The following ARHGAP20 variants were observed in gnomAD, a reference collection of about 807,000 sequenced individuals.
ARHGAP20 encodes rho GTPase-activating protein 20.
A neutral mutation model predicts 73.7 loss-of-function variants in ARHGAP20; 34 were observed. That is an observed-to-expected ratio of 0.46 (90% CI 0.35 to 0.61). The LOEUF (loss-of-function observed/expected upper bound fraction) is 0.61, where lower values mean the gene tolerates loss of function less well. Ranked by LOEUF, ARHGAP20 falls within the 20% of genes least tolerant of loss-of-function variation. The pLI is 0.00. For synonymous variants in ARHGAP20, 523 were observed against 518.2 expected, an observed-to-expected ratio of 1.01 and a Z score of -0.13; for missense variants, 1,314 against 1,420.9, an observed-to-expected ratio of 0.92 and a Z score of 1.21.
intron 2 of ARHGAP20, among the ~76,000 whole-genome samples, chr11:110,680,866 T>C (rs1379947112): frequency 6.6e-6 from 1 of 152,198 alleles, no homozygotes; most frequent in Non-Finnish European, 1.5e-5. Flanking sequence ...GGAAACCTTT[T>C]GTCTAACAAA....
chr11:110,674,009 G>T (rs1272442898), intron 2 of ARHGAP20, among the ~76,000 whole-genome samples: 2 of 151,446 alleles, frequency 1.3e-5, no homozygotes, highest in African/African-American at 2.4e-5. Context: ...CATGATCTCA[G>T]CTCACTGCAA....
intron 2 of ARHGAP20, among the ~76,000 whole-genome samples, chr11:110,637,258 T>A (rs1302221034): frequency 1.3e-5 from 2 of 152,114 alleles, no homozygotes; most frequent in East Asian, 3.8e-4. Flanking sequence ...ATACTTGGAA[T>A]TGTCTATGTT....
chr11:110,630,024 C>CAG (rs1463869938), intron 3 of ARHGAP20, among the ~76,000 whole-genome samples: 3 of 152,156 alleles, frequency 2.0e-5, no homozygotes, highest in Non-Finnish European at 2.9e-5. Context: ...TATAACCTAA[C>CAG]CCTTGTCTAC....
intron 2 of ARHGAP20, among the ~76,000 whole-genome samples, chr11:110,655,529 T>C (rs1167684848): frequency 3.9e-5 from 6 of 152,178 alleles, no homozygotes; most frequent in Admixed American, 3.3e-4. Context: ...CCTGAAGTGC[T>C]TGGCCACAGG....
Position 110,709,900 on chromosome 11 carries a change from C to A in ARHGAP20, c.105+2227G>T, listed in dbSNP as rs186299670. Among the ~76,000 whole-genome samples, 11 of 152,258 alleles carry A rather than the reference C, an allele frequency of 7.2e-5. No homozygotes were observed. In the East Asian group the frequency reaches 1.7e-3, roughly 24 times the overall value. On this transcript the variant is annotated intron_variant, in intron 1 of 14. Transcript: ENST00000683387. ...AAGTGGTGACTGGATCAAAGAAGGG[C>A]AAGAAAGGTGTTAGGCAAGTTAAGA...
chr11:110,632,664 CA>C (rs1948883593), intron 2 of ARHGAP20, among the ~76,000 whole-genome samples: 1 of 152,186 alleles, frequency 6.6e-6, no homozygotes, highest in Admixed American at 6.5e-5. Context: ...CTTGGCCTCC[CA>C]AAGTGCAAGG....
At chr11:110,672,933 T>C (rs769289353) in intron 2 of ARHGAP20, among the ~76,000 whole-genome samples, 4 of 152,192 alleles carry the variant, frequency 2.6e-5, no homozygotes, top group Non-Finnish European at 4.4e-5. Context: ...CAAATGTTGA[T>C]AGCAGCTTTC....
At chr11:110,701,399 T>A (rs896342348) in intron 1 of ARHGAP20, among the ~76,000 whole-genome samples, 2 of 152,172 alleles carry the variant, frequency 1.3e-5, no homozygotes, top group Non-Finnish European at 2.9e-5. Context: ...GAGAAGTGTC[T>A]GTTCATGTCC....
chr11:110,695,414 A>G (rs901232204), intron 1 of ARHGAP20, among the ~76,000 whole-genome samples: 7 of 151,630 alleles, frequency 4.6e-5, no homozygotes, highest in Non-Finnish European at 1.5e-5. Context: ...ACAGAATGGG[A>G]AAGCTTTTAT....
intron 1 of ARHGAP20, among the ~76,000 whole-genome samples, chr11:110,694,499 C>G (rs1310339197): frequency 6.6e-6 from 1 of 151,672 alleles, no homozygotes; most frequent in African/African-American, 2.4e-5. Context: ...AACCAAATGC[C>G]AGTAATTTGT....
chr11:110,668,985 T>C (rs1338061320), intron 2 of ARHGAP20, among the ~76,000 whole-genome samples: 1 of 152,148 alleles, frequency 6.6e-6, no homozygotes, highest in African/African-American at 2.4e-5. Flanking sequence ...AAATGGATCA[T>C]AGTTTTAAAT....
intron 2 of ARHGAP20, among the ~76,000 whole-genome samples, chr11:110,673,430 GAT>G (rs890684478): frequency 6.6e-6 from 1 of 151,994 alleles, no homozygotes; most frequent in Non-Finnish European, 1.5e-5. Context: ...TTTAAAATCA[GAT>G]ACGATACAAC....
At position 110,636,824 on chromosome 11, in the gene ARHGAP20, TTTA is replaced by T. The variant is rs542073152; in HGVS notation, c.189-6035_189-6033del. Among the ~76,000 whole-genome samples the T allele has an allele frequency of 4.4e-3, 675 of 152,162 alleles. 2 individuals are homozygous for T. The highest frequency in any genetic ancestry group is 0.017 in the Middle Eastern group (5 of 294). On this transcript the variant is annotated intron_variant, in intron 2 of 14. Coordinates refer to ENST00000683387, the MANE Select transcript of ARHGAP20 (RefSeq NM_001384657.1). ...TTCTCAATTTTATGACTCTGAAGTG[TTTA>T]TTTTTATTCTGAGTGAAGTGTAGAT...
chr11:110,632,354 A>G (rs1948876964), intron 2 of ARHGAP20, among the ~76,000 whole-genome samples: 2 of 152,136 alleles, frequency 1.3e-5, no homozygotes, highest in South Asian at 4.2e-4. Context: ...GGTGTTATCA[A>G]TCTTTTGAAT....
At chr11:110,711,724 C>T in intron 1 of ARHGAP20, 1 of 1,404,456 alleles carries the variant, frequency 7.1e-7, no homozygotes, top group Non-Finnish European at 9.2e-7. Context: ...CTGACACCGC[C>T]AAAGGGCAGT....
intron 2 of ARHGAP20, among the ~76,000 whole-genome samples, chr11:110,666,314 T>C (rs1298084637): frequency 1.3e-5 from 2 of 152,224 alleles, no homozygotes; most frequent in Non-Finnish European, 2.9e-5. Context: ...GCAATCACTA[T>C]TGAAATCAGC....
chr11:110,661,612 A>G (rs1024322716), intron 2 of ARHGAP20, among the ~76,000 whole-genome samples: 1 of 152,130 alleles, frequency 6.6e-6, no homozygotes, highest in African/African-American at 2.4e-5. Context: ...TCTTATTTTT[A>G]TATCATGAAT....
At chr11:110,706,001 T>G (rs767806534) in intron 1 of ARHGAP20, among the ~76,000 whole-genome samples, 18 of 152,180 alleles carry the variant, frequency 1.2e-4, no homozygotes, top group Non-Finnish European at 2.2e-4. Flanking sequence ...GACCAGTGAT[T>G]GTGTCATTGA....
At chr11:110,640,129 T>A (rs74827604) in intron 2 of ARHGAP20, among the ~76,000 whole-genome samples, 2,044 of 152,092 alleles carry the variant, frequency 0.013, 53 homozygotes, top group African/African-American at 0.046. Context: ...GTTTTGAGAA[T>A]ATTCTAATTA....
Sources: allele counts gnomAD v4.1 joint callset (sites outside exome capture counted in the v4.1 genomes callset), GRCh38; gene constraint gnomAD v4.1.1; transcripts MANE v1.5; gene names NCBI Gene and HGNC (gene_info 2026-07-23, HGNC 2026-07-21).